MCM4: variants seen among roughly 807,000 people sequenced by gnomAD.
MCM4 encodes DNA replication licensing factor MCM4.
A neutral mutation model predicts 88.7 loss-of-function variants in MCM4; 60 were observed. The observed-to-expected ratio is 0.68, with a 90% confidence interval of 0.55 to 0.84. The LOEUF (loss-of-function observed/expected upper bound fraction) is 0.84, where lower values mean the gene tolerates loss of function less well. MCM4 is among the 40% of genes least tolerant of loss of function. The pLI is 0.00. For missense variants in MCM4, 1,149 were observed against 1,105.5 expected, an observed-to-expected ratio of 1.04 and a Z score of -0.56; for synonymous variants, 465 against 410.5, an observed-to-expected ratio of 1.13 and a Z score of -1.61.
Position 47,962,378 on chromosome 8 carries a change from A to G in MCM4, c.473A>G (p.Asn158Ser). The G allele has an allele frequency of 6.2e-7, 1 of 1,614,236 alleles. No individual in the cohort carries two copies. The highest frequency in any genetic ancestry group is 8.5e-7 in the Non-Finnish European group (1 of 1,180,034). The change falls in exon 5 of 17, where the codon AAT becomes AGT. Residue 158 changes from asparagine to serine, a missense_variant. Physicochemically the swap from Asn to Ser is conservative, Grantham distance 46. Transcript: ENST00000649973. ...CTTGTGATCTGGGGAACAGATGTAA[A>G]TGTGGCAGCATGCAAAGAAAACTTT... ...QKLVIWGTDV[N>S]VAACKENFQR...
rs994364010 is a variant in MCM4, at chr8:47,966,572, C to T, written c.1053+165C>T. On this transcript the variant is annotated intron_variant, in intron 9 of 16. Transcript: ENST00000649973. ...TGGCCTATGGGCTAAATATGCAGAGCACGCAAAGCCCCTGCTTCAGGGCAC... is the reference window on the plus strand; with the variant it reads ...TGGCCTATGGGCTAAATATGCAGAGTACGCAAAGCCCCTGCTTCAGGGCAC... Among the ~76,000 whole-genome samples the T allele has an allele frequency of 1.8e-4, 27 of 152,232 alleles. 1 individual carries two copies. The highest frequency in any genetic ancestry group is 3.7e-4 in the Non-Finnish European group (25 of 68,040).
rs2090822270 is a variant in MCM4, at chr8:47,961,136, C to T, written c.-9C>T. On this transcript the variant is annotated 5_prime_UTR_variant, in exon 2 of 17. Coordinates refer to ENST00000649973, the MANE Select transcript of MCM4 (RefSeq NM_182746.3). ...AGCTTGTCCTTGTCGCGCAGGTACT[C>T]CGAGCACTATGTCGTCCCCGGCGTC... 6.4e-7 allele frequency: 1 copy of T among 1,553,338 alleles called. No individual in the cohort carries two copies. Among genetic ancestry groups the T allele is most frequent in the South Asian group, 1.2e-5 (1 of 86,380 alleles).
Position 47,971,478 on chromosome 8 carries a change from CAG to C in MCM4, c.1928+12_1928+13del, listed in dbSNP as rs753975803. 8.7e-6 allele frequency: 14 copies of C among 1,613,476 alleles called. No homozygotes were observed. The highest frequency in any genetic ancestry group is 6.7e-5 in the African/African-American group (5 of 74,902). ...ATACTTTATTATCAAGGTATTAAAA[CAG>C]ATTTTTATTTTGTTCATTTGTAGAA... On this transcript the variant is annotated intron_variant, in intron 13 of 16. Coordinates refer to ENST00000649973, the MANE Select transcript of MCM4 (RefSeq NM_182746.3).
intron 8 of MCM4, among the ~76,000 whole-genome samples, chr8:47,965,699 CTGTG>C (rs2154505128): frequency 6.6e-6 from 1 of 152,296 alleles, no homozygotes; most frequent in Admixed American, 6.5e-5. Flanking sequence ...AGGGGTTCTC[CTGTG>C]TGGATAATAA....
At position 47,960,953 on chromosome 8, in the gene MCM4, C is replaced by A; in HGVS notation, c.-76C>A. On this transcript the variant is annotated 5_prime_UTR_variant, in exon 1 of 17. Transcript: ENST00000649973. ...AACTCTGGGTCTCGCGGTTTGGGAG[C>A]GCTACTCGCCAGGTGGACTCGGAGT... The A allele has an allele frequency of 1.8e-6, 1 of 551,036 alleles. No individual in the cohort carries two copies. The highest frequency in any genetic ancestry group is 3.0e-6 in the Non-Finnish European group (1 of 333,496). 34.1% of individuals were successfully genotyped at this position (551,036 alleles called of 1,614,324 possible). A position where few individuals can be genotyped will look rare whatever the true frequency, so the allele number is the denominator to read the frequency against.
chr8:47,964,330 G>C lies in MCM4; in HGVS notation c.694-244G>C, dbSNP rs183745617. On this transcript the variant is annotated intron_variant, in intron 7 of 16. Transcript: ENST00000649973. ...TTTTTCCCTTCTAATAGAAAGCAAAGAATATGCCAGTATACATCAAGAAGG... is the reference window on the plus strand; with the variant it reads ...TTTTTCCCTTCTAATAGAAAGCAAACAATATGCCAGTATACATCAAGAAGG... 1.7e-3 allele frequency among the ~76,000 whole-genome samples: 264 copies of C among 152,254 alleles called. 1 individual carries two copies. The highest frequency in any genetic ancestry group is 5.5e-3 in the African/African-American group (230 of 41,556).
Position 47,966,389 on chromosome 8 carries a change from C to T in MCM4, c.1035C>T (p.Leu345=). The change falls in exon 9 of 17, where the codon CTC becomes CTT. Residue 345 remains leucine (L), a synonymous_variant. Coordinates refer to ENST00000649973, the MANE Select transcript of MCM4 (RefSeq NM_182746.3). ...TGGCACTCATCCACAACCGCTCCCT[C>T]TTCTCTGACAAGCAGATGGTGCGCA... ...HSMALIHNRS[L]FSDKQMIKLQ... is the part of the protein sequence containing the mutation. 6.2e-7 allele frequency: 1 copy of T among 1,611,542 alleles called. No homozygotes were observed.
chr8:47,963,255 C>A (rs527781548), intron 7 of MCM4, among the ~76,000 whole-genome samples: 1 of 152,134 alleles, frequency 6.6e-6, no homozygotes. Context: ...AAGTTTGAGA[C>A]CAGCCTGGGC....
Position 47,974,919 on chromosome 8 carries a change from T to G in MCM4, c.2322T>G (p.Thr774=). 6.2e-7 allele frequency: 1 copy of G among 1,614,230 alleles called. No homozygotes were observed. Among genetic ancestry groups the G allele is most frequent in the Non-Finnish European group, 8.5e-7 (1 of 1,180,028 alleles). Residue 774 remains threonine, a synonymous_variant, in exon 15 of 17, where the codon ACT becomes ACG. Transcript: ENST00000649973. ...GGGAAGCTCTGAAGCAGTCTGCAAC[T>G]GATCCCCGGACTGGCATCGTGGACA... ...LHREALKQSA[T]DPRTGIVDIS...
At chr8:47,961,038 G>T in intron 1 of MCM4, 24 bp downstream of exon 1, 1 of 1,218,394 alleles carries the variant, frequency 8.2e-7, no homozygotes, top group Non-Finnish European at 1.1e-6. Context: ...GGCGGGGAGG[G>T]CGTGGCGCGG....
At position 47,976,684 on chromosome 8, in the gene MCM4, A is replaced by G. The variant is rs1253507380; in HGVS notation, c.2500-2A>G. On this transcript the variant is annotated splice_acceptor_variant, in intron 16 of 16. Coordinates refer to ENST00000649973, the MANE Select transcript of MCM4 (RefSeq NM_182746.3). LOFTEE classifies it high-confidence loss of function. ...TATTTATTTTCTTTCTCTTCCCCAC[A>G]GGCAATTACTAAAGATATGTTTGAA... 1 of 1,609,020 alleles carries G rather than the reference A, an allele frequency of 6.2e-7. No individual in the cohort carries two copies. Among genetic ancestry groups the G allele is most frequent in the Non-Finnish European group, 8.5e-7 (1 of 1,175,686 alleles).
chr8:47,976,763 C>A lies in MCM4; in HGVS notation c.2577C>A (p.Thr859=), dbSNP rs34535129. 4 of 1,612,012 alleles carry A rather than the reference C, an allele frequency of 2.5e-6. No homozygotes were observed. In the Admixed American group the frequency reaches 5.0e-5, roughly 20 times the overall value. ...ATTTCCTGACAGTGACTGGGAAGACCGTGCGCTTGCTCTGAAGCCTTGTGA... is the reference window on the plus strand; with the variant it reads ...ATTTCCTGACAGTGACTGGGAAGACAGTGCGCTTGCTCTGAAGCCTTGTGA... The part of the protein sequence containing the change: ...DDDFLTVTGK[T]VRLL The change falls in exon 17 of 17, where the codon ACC becomes ACA. Residue 859 remains threonine (T), a synonymous_variant. Coordinates refer to ENST00000649973, the MANE Select transcript of MCM4 (RefSeq NM_182746.3).
At position 47,970,585 on chromosome 8, in the gene MCM4, GATC is replaced by G. The variant is rs775456965; in HGVS notation, c.1511_1513del (p.Ile504del). ...CTGGAAGGGGCAAATTTCGGGCTGA[GATC>G]AACATCTTGCTGTGTGGCGACCCTG... On this transcript the variant is annotated inframe_deletion, in exon 12 of 17. Coordinates refer to ENST00000649973, the MANE Select transcript of MCM4 (RefSeq NM_182746.3). 6.2e-7 allele frequency: 1 copy of G among 1,614,046 alleles called. No individual in the cohort carries two copies.
intron 11 of MCM4, 136 bp from the exon 12 acceptor site, chr8:47,970,374 TC>T (rs2090941433): frequency 9.7e-6 from 11 of 1,128,596 alleles, no homozygotes; most frequent in Non-Finnish European, 1.4e-5. Flanking sequence ...TCAAGCACTT[TC>T]ACGAGCCTTT....
chr8:47,962,859 G>A lies in MCM4; in HGVS notation c.597G>A (p.Glu199=), dbSNP rs2090858845. ...TEPLYMQRLG[E]INVIGEPFLN... is the part of the protein sequence containing the mutation. ...CTCTATACATGCAACGACTTGGGGA[G>A]GTAATCAAATACTCTTTAAATTCAA... The change falls in exon 6 of 17, where the codon GAG becomes GAA. Residue 199 remains glutamate, a splice_region_variant and synonymous_variant. Coordinates refer to ENST00000649973, the MANE Select transcript of MCM4 (RefSeq NM_182746.3). 6 of 1,596,636 alleles carry A rather than the reference G, an allele frequency of 3.8e-6. No homozygotes were observed. The East Asian group carries it at 1.3e-4, about 36-fold the overall frequency.
intron 10 of MCM4, 70 bp downstream of exon 10, chr8:47,967,555 C>A: frequency 6.3e-7 from 1 of 1,594,614 alleles, no homozygotes; most frequent in South Asian, 1.1e-5. Context: ...TTTAGTGAGT[C>A]ATTGGACTTG....
Position 47,967,450 on chromosome 8 carries a change from A to G in MCM4, c.1139A>G (p.Asp380Gly), listed in dbSNP as rs2090910638. The change falls in exon 10 of 17, where the codon GAC becomes GGC. Residue 380 changes from aspartate (D) to glycine (G), a missense_variant. Asp to Gly is a moderately conservative substitution (Grantham distance 94). Transcript: ENST00000649973. ...VILFAHNDLVDKVQPGDRVNV... is the reference protein window; with the variant it reads ...VILFAHNDLVGKVQPGDRVNV... The stretch of plus-strand genomic sequence containing the variant: ...CTGTTTGCTCACAATGATCTCGTTG[A>G]CAAGGTCCAGCCTGGGGACAGAGTG... The G allele has an allele frequency of 6.2e-7, 1 of 1,614,204 alleles. No individual in the cohort carries two copies. Among genetic ancestry groups the G allele is most frequent in the Non-Finnish European group, 8.5e-7 (1 of 1,180,030 alleles).
At position 47,964,515 on chromosome 8, in the gene MCM4, TTTA is replaced by T. The variant is rs2090879778; in HGVS notation, c.694-54_694-52del. ...TTATACTTTGCTAATCTGACATGCC[TTTA>T]TTATATTTAACACTGAGATATGAAT... On this transcript the variant is annotated intron_variant, in intron 7 of 16. Transcript: ENST00000649973. 17 of 1,367,180 alleles carry T rather than the reference TTTA, an allele frequency of 1.2e-5. No homozygotes were observed. The South Asian group carries it at 2.4e-4, about 20-fold the overall frequency. The allele number at this position is 1,367,180 out of a possible 1,614,324, so 84.7% of individuals were successfully genotyped here.
At chr8:47,961,077 C>T (rs1008356480) in intron 1 of MCM4, 54 bp from the exon 2 acceptor site, 24 of 1,464,784 alleles carry the variant, frequency 1.6e-5, no homozygotes, top group Non-Finnish European at 2.0e-5. Flanking sequence ...CGCTGCGGAG[C>T]AGGGCAGGGA....
Sources: gnomAD v4.1 joint callset for allele counts (sites outside exome capture counted in the v4.1 genomes callset) on GRCh38, gnomAD v4.1.1 for gene constraint, MANE v1.5 for transcripts, NCBI Gene and HGNC (gene_info 2026-07-23, HGNC 2026-07-21) for gene names.